Variants in MORN1 observed in about 807,000 individuals in gnomAD.
MORN1 encodes the protein MORN repeat containing 1.
MORN1 carries 67 observed loss-of-function variants against 61.9 expected under a neutral mutation model. That is an observed-to-expected ratio of 1.08 (90% CI 0.89 to 1.33). The LOEUF (loss-of-function observed/expected upper bound fraction) is 1.33, where lower values mean the gene tolerates loss of function less well. Ranked by LOEUF, MORN1 falls within the 40% of genes most tolerant of loss-of-function variation. The probability of loss-of-function intolerance (pLI) is 0.00; values close to 1 mark genes in which losing one functional copy is unlikely to be tolerated. For synonymous variants in MORN1, 301 were observed against 292.0 expected (o/e 1.03, Z -0.31); for missense variants, 752 against 691.2 (o/e 1.09, Z -0.99).
At chr1:2,336,972 T>G in intron 10 of MORN1, 122 bp from the exon 11 acceptor site, 1 of 1,172,394 alleles carries the variant, frequency 8.5e-7, no homozygotes, top group Non-Finnish European at 1.1e-6. Flanking sequence ...CCAGTCGCGA[T>G]GCCATCTTGG....
chr1:2,348,527 C>T (rs1458361612), intron 10 of MORN1, among the ~76,000 whole-genome samples: 8 of 152,192 alleles, frequency 5.3e-5, no homozygotes, highest in African/African-American at 9.7e-5. Context: ...GTACTGTGTC[C>T]GCTCCTGCCT....
At chr1:2,390,625 G>GT (rs1642627940) in intron 1 of MORN1, 1 of 985,292 alleles carries the variant, frequency 1.0e-6, no homozygotes, top group Non-Finnish European at 1.2e-6. Context: ...AGGGCAGGGG[G>GT]TTACTACAGG....
Position 2,372,427 on chromosome 1 carries a change from G to T in MORN1, c.745+54C>A. ...CCGCATCTTCACTGCTTAAGAACCTGCTGCCTGTTTCTCTTTTGGAAACGT... is the reference window on the plus strand; with the variant it reads ...CCGCATCTTCACTGCTTAAGAACCTTCTGCCTGTTTCTCTTTTGGAAACGT... On this transcript the variant is annotated intron_variant, in intron 8 of 13. Coordinates refer to ENST00000378531, the MANE Select transcript of MORN1 (RefSeq NM_024848.3). The surrounding 1 kb of genome is among the most constrained non-coding windows in gnomAD (Gnocchi z 5.4). The T allele has an allele frequency of 7.2e-7, 1 of 1,390,350 alleles. No individual in the cohort carries two copies. Among genetic ancestry groups the T allele is most frequent in the Non-Finnish European group, 1.0e-6 (1 of 996,046 alleles). 86.1% of individuals were successfully genotyped at this position (1,390,350 alleles called of 1,614,324 possible). A position where few individuals can be genotyped will look rare whatever the true frequency, so the allele number is the denominator to read the frequency against.
At chr1:2,351,932 G>A (rs904134843) in intron 10 of MORN1, 3 of 514,116 alleles carry the variant, frequency 5.8e-6, no homozygotes, top group Middle Eastern at 6.6e-4. Context: ...GGCCACCCAC[G>A]GGCCCACCAA....
At chr1:2,331,357 C>T (rs145769099) in intron 12 of MORN1, among the ~76,000 whole-genome samples, 3 of 152,228 alleles carry the variant, frequency 2.0e-5, no homozygotes, top group Admixed American at 2.0e-4. Flanking sequence ...CTTGGCCCCA[C>T]GTGGCCACAG....
In MORN1 at chr1:2,387,535, T is replaced by C. The variant is rs763094612; in HGVS notation, c.248-6A>G. On this transcript the variant is annotated splice_region_variant and splice_polypyrimidine_tract_variant and intron_variant, in intron 3 of 13. Transcript: ENST00000378531. The stretch of plus-strand genomic sequence containing the variant: ...CTGTCCAGAGAAGGTGTCTCCTGCA[T>C]GTGGACAAGGAGGAGGGGAGACAGG... The C allele has an allele frequency of 4.4e-6, 7 of 1,603,726 alleles. No individual in the cohort carries two copies. The highest frequency in any genetic ancestry group is 3.3e-5 in the Admixed American group (2 of 60,012).
intron 10 of MORN1, among the ~76,000 whole-genome samples, chr1:2,343,413 G>A (rs918142669): frequency 2.6e-5 from 4 of 152,364 alleles, no homozygotes; most frequent in Middle Eastern, 3.4e-3. Context: ...CACCAGCCCT[G>A]CCGGGGCCAG....
chr1:2,358,410 C>A (rs1641823381), intron 9 of MORN1, among the ~76,000 whole-genome samples, 182 bp downstream of exon 9: 3 of 152,126 alleles, frequency 2.0e-5, no homozygotes, highest in Admixed American at 2.0e-4. Context: ...AGAGGGGCCA[C>A]AGCAGAGGGT....
In MORN1 at chr1:2,324,130, C is replaced by G; in HGVS notation, c.1264G>C (p.Ala422Pro). 1 of 1,600,502 alleles carries G rather than the reference C, an allele frequency of 6.2e-7. No individual in the cohort carries two copies. The highest frequency in any genetic ancestry group is 8.5e-7 in the Non-Finnish European group (1 of 1,174,858). The change falls in exon 13 of 14, where the codon GCC becomes CCC. Residue 422 changes from alanine to proline, a missense_variant. Physicochemically the swap from Ala to Pro is conservative, Grantham distance 27. Transcript: ENST00000378531. ...PPGGSRPEGR[A>P]TEEQAAAAHL... is the part of the protein sequence containing the mutation. ...GCTGCCGCAGCCTGCTCCTCCGTGG[C>G]TCTCCCCTCAGGCCTGTGGAGACGA...
At position 2,336,601 on chromosome 1, in the gene MORN1, T is replaced by A. The variant is rs78290236; in HGVS notation, c.1171-53A>T. The A allele has an allele frequency of 3.5e-3, 5,606 of 1,604,422 alleles. 87 individuals carry two copies. The highest frequency in any genetic ancestry group is 0.032 in the East Asian group (1,449 of 44,684). Reference sequence around the variant, plus strand: ...GAAGGAAAGGCTCAGAAGGTGGGCCTAGGAGCTCTGCTCCAACCCCCCTGG... The same window carrying A: ...GAAGGAAAGGCTCAGAAGGTGGGCCAAGGAGCTCTGCTCCAACCCCCCTGG... On this transcript the variant is annotated intron_variant, in intron 11 of 13. Coordinates refer to ENST00000378531, the MANE Select transcript of MORN1 (RefSeq NM_024848.3).
At position 2,321,276 on chromosome 1, in the gene MORN1, C is replaced by G; in HGVS notation, c.*107G>C. On this transcript the variant is annotated 3_prime_UTR_variant, in exon 14 of 14. Coordinates refer to ENST00000378531, the MANE Select transcript of MORN1 (RefSeq NM_024848.3). ...CATAGCCGCCACTGAGCATTTTATT[C>G]AAGCCAGCAACCACGGGGCTCTGGA... The G allele has an allele frequency of 3.3e-6, 3 of 902,904 alleles. No individual in the cohort carries two copies. Among genetic ancestry groups the G allele is most frequent in the Non-Finnish European group, 4.8e-6 (3 of 624,052 alleles). 55.9% of individuals were successfully genotyped at this position (902,904 alleles called of 1,614,324 possible). A position where few individuals can be genotyped will look rare whatever the true frequency, so the allele number is the denominator to read the frequency against.
At chr1:2,391,220 AC>A (rs1462697104) in intron 1 of MORN1, among the ~76,000 whole-genome samples, 1 of 147,780 alleles carries the variant, frequency 6.8e-6, no homozygotes, top group Non-Finnish European at 1.5e-5. Context: ...GCGGGGGGCG[AC>A]CCCCTGCAGG....
At chr1:2,355,086 C>CCCGCGCGGGGGGG in intron 10 of MORN1, 2 of 920,630 alleles carry the variant, frequency 2.2e-6, no homozygotes, top group Non-Finnish European at 2.6e-6. Context: ...GCGCGGGGGG[C>CCCGCGCGGGGGGG]CCGCGCGGGG....
intron 8 of MORN1, among the ~76,000 whole-genome samples, chr1:2,367,306 CAAAAAAA>C (rs56188781): frequency 1.5e-5 from 2 of 132,812 alleles, no homozygotes; most frequent in Non-Finnish European, 3.2e-5. Context: ...ATTGCTCTAT[CAAAAAAA>C]AAAAAAAAAA....
chr1:2,338,442 A>G (rs2036084), intron 10 of MORN1, among the ~76,000 whole-genome samples: 24,677 of 152,088 alleles, frequency 0.16, 2,226 homozygotes, highest in Middle Eastern at 0.21. Flanking sequence ...CGTGGACTGC[A>G]CTGGAGCTAA....
At chr1:2,388,406 T>TCA in intron 2 of MORN1, 69 bp from the exon 3 acceptor site, 1 of 1,246,780 alleles carries the variant, frequency 8.0e-7, no homozygotes, top group Non-Finnish European at 1.2e-6. Context: ...CTGTGCAGTG[T>TCA]TGGGCCTGTT....
At chr1:2,327,899 G>T (rs1002351193) in intron 12 of MORN1, among the ~76,000 whole-genome samples, 1 of 152,270 alleles carries the variant, frequency 6.6e-6, no homozygotes, top group Non-Finnish European at 1.5e-5. Context: ...ATGAGCTCCT[G>T]GTCTTGGCAA....
intron 10 of MORN1, chr1:2,351,957 G>C: frequency 1.9e-6 from 1 of 519,790 alleles, no homozygotes; most frequent in South Asian, 1.7e-5. Context: ...GCTTCCCTCT[G>C]CTCGAGGGAC....
intron 8 of MORN1, chr1:2,371,411 C>A (rs1333828313): frequency 6.6e-6 from 1 of 152,192 alleles, no homozygotes; most frequent in Non-Finnish European, 1.5e-5. Context: ...AGCCAATCAA[C>A]ACAGCGAGAG....
Sources: gnomAD v4.1 joint callset for allele counts (sites outside exome capture counted in the v4.1 genomes callset) on GRCh38, gnomAD v4.1.1 for gene constraint, Gnocchi (gnomAD v3.1) non-coding constraint, MANE v1.5 for transcripts, NCBI Gene and HGNC (gene_info 2026-07-23, HGNC 2026-07-21) for gene names.